BDKRB2: variants seen among roughly 807,000 people sequenced by gnomAD.
BDKRB2 encodes the protein bradykinin receptor B2.
In BDKRB2, 6 loss-of-function variants were observed where a neutral mutation model predicts 4.0. The ratio of observed to expected loss-of-function variants is 1.49; its 90% CI spans 0.81 to 2.93. The LOEUF (loss-of-function observed/expected upper bound fraction) is 2.93. Ranked by LOEUF, BDKRB2 falls within the 30% of genes most tolerant of loss-of-function variation. The probability of loss-of-function intolerance (pLI) is 0.00; values close to 1 mark genes in which losing one functional copy is unlikely to be tolerated. For missense variants in BDKRB2, 478 were observed against 520.1 expected (o/e 0.92, Z 0.79); for synonymous variants, 225 against 215.3 (o/e 1.05, Z -0.40).
chr14:96,236,923 C>T (rs1890948171), intron 1 of BDKRB2, 146 bp from the exon 2 acceptor site: 4 of 615,246 alleles, frequency 6.5e-6, no homozygotes, highest in Non-Finnish European at 1.2e-5. Context: ...CCATTGTATC[C>T]CTAGCACCGC....
intron 1 of BDKRB2, among the ~76,000 whole-genome samples, chr14:96,207,299 G>A (rs1203020891): frequency 3.3e-5 from 5 of 152,090 alleles, no homozygotes; most frequent in Non-Finnish European, 5.9e-5. Context: ...TCATATAGCA[G>A]GCAATAAAAA....
chr14:96,206,837 CA>C (rs979290685), intron 1 of BDKRB2, among the ~76,000 whole-genome samples: 23 of 152,112 alleles, frequency 1.5e-4, no homozygotes, highest in African/African-American at 5.3e-4. Context: ...GGTAATTTAT[CA>C]AAAAACAGAC....
intron 1 of BDKRB2, among the ~76,000 whole-genome samples, chr14:96,221,692 C>T (rs1402510600): frequency 6.6e-6 from 1 of 151,950 alleles, no homozygotes; most frequent in Non-Finnish European, 1.5e-5. Context: ...GGAACCAGAG[C>T]GTCCTGGTGT....
At chr14:96,206,117 A>G (rs1300770019) in intron 1 of BDKRB2, among the ~76,000 whole-genome samples, 1 of 152,182 alleles carries the variant, frequency 6.6e-6, no homozygotes, top group Admixed American at 6.5e-5. Flanking sequence ...CTGGAGAAAA[A>G]ACTGTGCTGC....
intron 1 of BDKRB2, chr14:96,223,203 C>T: frequency 8.9e-7 from 1 of 1,122,246 alleles, no homozygotes; most frequent in Non-Finnish European, 1.4e-6. Flanking sequence ...CCAAGCTGGT[C>T]CCTAAAACCC....
rs577030904 is a variant in BDKRB2 at position 96,239,839 on chromosome 14, CT to C, written c.75-562del. ...CTCGCCATCTGTATCCTCCAATCATCTTCAGTGCTTTGCTGATAGAAGGTAC... is the reference window on the plus strand; with the variant it reads ...CTCGCCATCTGTATCCTCCAATCATCTCAGTGCTTTGCTGATAGAAGGTAC... On this transcript the variant is annotated intron_variant, in intron 2 of 2. Coordinates refer to ENST00000554311, the MANE Select transcript of BDKRB2 (RefSeq NM_001379692.1). The C allele has an allele frequency of 4.6e-4, 450 of 985,490 alleles. 2 individuals are homozygous for C. The African/African-American group carries it at 7.3e-3, about 16-fold the overall frequency. 61.0% of individuals were successfully genotyped at this position (985,490 alleles called of 1,614,324 possible). A position where few individuals can be genotyped will look rare whatever the true frequency, so the allele number is the denominator to read the frequency against.
rs556674690 is a variant in BDKRB2, at chr14:96,241,704, G to A, written c.*200G>A. Reference sequence around the variant, plus strand: ...GGCTGTGAGGATGGGGTGAACTCACGCACAGCCAAGGACTCCAAAATCACA... The same window carrying A: ...GGCTGTGAGGATGGGGTGAACTCACACACAGCCAAGGACTCCAAAATCACA... On this transcript the variant is annotated 3_prime_UTR_variant, in exon 3 of 3. Transcript: ENST00000554311. The A allele has an allele frequency of 7.0e-5, 57 of 820,134 alleles. No homozygotes were observed. In the Admixed American group the frequency reaches 1.2e-3, roughly 17 times the overall value. 50.8% of individuals were successfully genotyped at this position (820,134 alleles called of 1,614,324 possible). A position where few individuals can be genotyped will look rare whatever the true frequency, so the allele number is the denominator to read the frequency against.
intron 1 of BDKRB2, among the ~76,000 whole-genome samples, chr14:96,219,651 A>G (rs1353413929): frequency 6.6e-6 from 1 of 151,960 alleles, no homozygotes; most frequent in African/African-American, 2.4e-5. Flanking sequence ...TATCAGCATC[A>G]GCATCATTAC....
rs199654899 is a variant in BDKRB2, at chr14:96,240,598, G to A, written c.270G>A (p.Thr90=). The change falls in exon 3 of 3, where the codon ACG becomes ACA. Residue 90 remains threonine (T), a synonymous_variant. Coordinates refer to ENST00000554311, the MANE Select transcript of BDKRB2 (RefSeq NM_001379692.1). ...TCTGCCTGCACAAGAGCAGCTGCAC[G>A]GTGGCAGAGATCTACCTGGGGAACC... The part of the protein sequence containing the change: ...SVFCLHKSSC[T]VAEIYLGNLA... 36 of 1,550,586 alleles carry A rather than the reference G, an allele frequency of 2.3e-5. No individual in the cohort carries two copies. The highest frequency in any genetic ancestry group is 1.2e-4 in the Admixed American group (6 of 50,228).
rs200395926 is a variant in BDKRB2 at position 96,240,628 on chromosome 14, C to T, written c.300C>T (p.Ala100=). ...TVAEIYLGNL[A]AADLILACGL... ...CAGAGATCTACCTGGGGAACCTGGC[C>T]GCAGCAGACCTGATCCTGGCCTGCG... is the stretch of plus-strand genomic sequence containing the variant. The change falls in exon 3 of 3, where the codon GCC becomes GCT. Residue 100 remains alanine, a synonymous_variant. Coordinates refer to ENST00000554311, the MANE Select transcript of BDKRB2 (RefSeq NM_001379692.1). 69 of 1,549,178 alleles carry T rather than the reference C, an allele frequency of 4.5e-5. No individual in the cohort carries two copies. Among genetic ancestry groups the T allele is most frequent in the East Asian group, 2.7e-4 (12 of 44,394 alleles).
At chr14:96,234,125 G>A (rs1247400721) in intron 1 of BDKRB2, 2 of 151,976 alleles carry the variant, frequency 1.3e-5, no homozygotes, top group African/African-American at 4.8e-5. Flanking sequence ...ATTCATCAGG[G>A]TCTCAGTAAA....
rs138875812 is a variant in BDKRB2, at chr14:96,239,312, C to A, written c.75-1091C>A. Reference sequence around the variant, plus strand: ...AAAGCGATTCAGGATGAGAGCAATACCCTACTCCAAAGAAGGCAAAATAGA... The same window carrying A: ...AAAGCGATTCAGGATGAGAGCAATAACCTACTCCAAAGAAGGCAAAATAGA... On this transcript the variant is annotated intron_variant, in intron 2 of 2. Coordinates refer to ENST00000554311, the MANE Select transcript of BDKRB2 (RefSeq NM_001379692.1). The A allele has an allele frequency of 8.2e-6, 8 of 974,772 alleles. No homozygotes were observed. In the African/African-American group the frequency reaches 1.1e-4, roughly 13 times the overall value. The allele number at this position is 974,772 out of a possible 1,614,324, so 60.4% of individuals were successfully genotyped here. A position where few individuals can be genotyped will look rare whatever the true frequency, so the allele number is the denominator to read the frequency against.
intron 1 of BDKRB2, among the ~76,000 whole-genome samples, chr14:96,206,247 G>A (rs575511529): frequency 1.1e-4 from 16 of 152,136 alleles, no homozygotes; most frequent in Middle Eastern, 3.4e-3. Context: ...AAGAGAAGGC[G>A]TCTTTGGATG....
intron 2 of BDKRB2, chr14:96,239,554 CA>C: frequency 2.0e-6 from 2 of 985,316 alleles, no homozygotes; most frequent in Non-Finnish European, 2.4e-6. Context: ...TGGAGTTTAC[CA>C]CTGGTTATTT....
chr14:96,215,204 C>T (rs1282091781), intron 1 of BDKRB2, among the ~76,000 whole-genome samples: 2 of 152,216 alleles, frequency 1.3e-5, no homozygotes, highest in African/African-American at 2.4e-5. Flanking sequence ...AACTTTTGAA[C>T]TTTGTTGTAT....
chr14:96,224,729 G>A (rs566549270), intron 1 of BDKRB2, among the ~76,000 whole-genome samples: 4 of 152,276 alleles, frequency 2.6e-5, no homozygotes, highest in East Asian at 3.9e-4. Context: ...TTCTGGGCCC[G>A]TTTCCCTGCA....
chr14:96,220,387 C>G (rs1203870458), intron 1 of BDKRB2, among the ~76,000 whole-genome samples: 2 of 152,160 alleles, frequency 1.3e-5, no homozygotes, highest in Non-Finnish European at 2.9e-5. Context: ...TAGGCACGAG[C>G]TTATCCACAC....
At chr14:96,231,918 G>GC (rs538646080) in intron 1 of BDKRB2, among the ~76,000 whole-genome samples, 168 of 152,310 alleles carry the variant, frequency 1.1e-3, no homozygotes, top group African/African-American at 3.9e-3. Flanking sequence ...AGGGAGAACA[G>GC]CCGCCCTCTG....
rs1406587452 is a variant in BDKRB2, at chr14:96,240,721, C to A, written c.393C>A (p.Arg131=). 6.2e-7 allele frequency: 1 copy of A among 1,600,906 alleles called. No homozygotes were observed. The highest frequency in any genetic ancestry group is 1.1e-5 in the South Asian group (1 of 88,222). The change falls in exon 3 of 3, where the codon CGC becomes CGA. Residue 131 remains arginine, a synonymous_variant. Coordinates refer to ENST00000554311, the MANE Select transcript of BDKRB2 (RefSeq NM_001379692.1). ...GGCTCTTTGGGGAGACGCTCTGCCG[C>A]GTGGTGAATGCCATTATCTCCATGA... ...FDWLFGETLC[R]VVNAIISMNL...
Sources: allele counts gnomAD v4.1 joint callset (sites outside exome capture counted in the v4.1 genomes callset), GRCh38; gene constraint gnomAD v4.1.1; transcripts MANE v1.5; gene names NCBI Gene and HGNC (gene_info 2026-07-23, HGNC 2026-07-21).